The following IGBP1C variants were observed in gnomAD, a reference collection of about 807,000 sequenced individuals.
IGBP1C encodes the protein IGBP1 family member C.
the IGBP1C span, among the ~76,000 whole-genome samples, chr17:58,677,946 T>G: frequency 1.3e-5 from 2 of 152,118 alleles, no homozygotes; most frequent in Non-Finnish European, 2.9e-5. Context: ...GGTCAGGAGT[T>G]CAAGACCAGC....
At chr17:58,681,165 G>A in the IGBP1C span, among the ~76,000 whole-genome samples, 1 of 152,180 alleles carries the variant, frequency 6.6e-6, no homozygotes, top group Non-Finnish European at 1.5e-5. Context: ...GTACTCGGGA[G>A]GCTGAGACAG....
the IGBP1C span, among the ~76,000 whole-genome samples, chr17:58,670,546 G>T: frequency 2.0e-5 from 3 of 151,828 alleles, no homozygotes; most frequent in Admixed American, 6.6e-5. Flanking sequence ...GGCTGAAGTG[G>T]GTAGATCACT....
At chr17:58,662,413 T>TCA in the IGBP1C span, among the ~76,000 whole-genome samples, 268 of 127,738 alleles carry the variant, frequency 2.1e-3, 1 homozygote, top group Non-Finnish European at 3.1e-3. Context: ...AGCACACATA[T>TCA]CTCACACACA....
At chr17:58,669,768 C>T in the IGBP1C span, among the ~76,000 whole-genome samples, 1 of 148,266 alleles carries the variant, frequency 6.7e-6, no homozygotes, top group Non-Finnish European at 1.5e-5. Flanking sequence ...CCAGCAACAG[C>T]TTGAGACTTC....
At chr17:58,669,088 A>T in the IGBP1C span, among the ~76,000 whole-genome samples, 1 of 152,210 alleles carries the variant, frequency 6.6e-6, no homozygotes, top group Admixed American at 6.6e-5. Flanking sequence ...ACAGTGGCTC[A>T]TGCCTATAAT....
the IGBP1C span, among the ~76,000 whole-genome samples, chr17:58,669,733 C>CAAAAAA: frequency 2.3e-4 from 13 of 56,282 alleles, no homozygotes; most frequent in East Asian, 5.0e-4. Context: ...GACTCCGTCT[C>CAAAAAA]AAAAAAAAAA....
the IGBP1C span, among the ~76,000 whole-genome samples, chr17:58,669,882 C>G: frequency 6.6e-6 from 1 of 152,198 alleles, no homozygotes; most frequent in South Asian, 2.1e-4. Context: ...TTGCCCAAAG[C>G]CCTTCAATAC....
chr17:58,661,480 G>T, the IGBP1C span: 1,136 of 781,556 alleles, frequency 1.5e-3, 3 homozygotes, highest in African/African-American at 0.017. Flanking sequence ...CCTTTTCCTG[G>T]ACTATTCGGG....
the IGBP1C span, among the ~76,000 whole-genome samples, chr17:58,691,618 C>T: frequency 1.0e-4 from 14 of 140,576 alleles, no homozygotes; most frequent in Non-Finnish European, 2.1e-4. Context: ...AGTGAGCCGA[C>T]ATCGTGCCAC....
At chr17:58,684,413 G>GATC in the IGBP1C span, among the ~76,000 whole-genome samples, 1 of 150,872 alleles carries the variant, frequency 6.6e-6, no homozygotes, top group Non-Finnish European at 1.5e-5. Flanking sequence ...AGTGAGCTGA[G>GATC]ATCACACCAT....
At chr17:58,661,731 G>C in the IGBP1C span, 4 of 572,328 alleles carry the variant, frequency 7.0e-6, no homozygotes, top group East Asian at 5.8e-5. Flanking sequence ...GGTGGCGTTG[G>C]GGGCGGCATA....
the IGBP1C span, among the ~76,000 whole-genome samples, chr17:58,664,482 A>G: frequency 6.6e-6 from 1 of 152,238 alleles, no homozygotes; most frequent in African/African-American, 2.4e-5. Flanking sequence ...CATGTAGCAC[A>G]TACTTCTCAT....
the IGBP1C span, among the ~76,000 whole-genome samples, chr17:58,687,629 G>A: frequency 0.17 from 26,012 of 151,732 alleles, 2,358 homozygotes; most frequent in Non-Finnish European, 0.19. Context: ...CACTGCACCC[G>A]GCCGTGGTCA....
At chr17:58,664,710 AAT>A in the IGBP1C span, among the ~76,000 whole-genome samples, 2 of 152,216 alleles carry the variant, frequency 1.3e-5, no homozygotes, top group Non-Finnish European at 2.9e-5. Flanking sequence ...CCTCTGATAA[AAT>A]ATATACATTT....
chr17:58,663,470 ATT>A, the IGBP1C span, among the ~76,000 whole-genome samples: 1 of 145,118 alleles, frequency 6.9e-6, no homozygotes. Flanking sequence ...CTGAATCTAA[ATT>A]TTTTTTTTTT....
the IGBP1C span, chr17:58,679,564 T>G: frequency 6.6e-6 from 1 of 152,106 alleles, no homozygotes; most frequent in South Asian, 2.1e-4. Context: ...TACCACAAAT[T>G]ATGCAATTAA....
the IGBP1C span, among the ~76,000 whole-genome samples, chr17:58,671,370 T>TGA: frequency 6.6e-6 from 1 of 152,204 alleles, no homozygotes; most frequent in Non-Finnish European, 1.5e-5. Context: ...TGAGGGACTG[T>TGA]GAATGTGAGA....
the IGBP1C span, among the ~76,000 whole-genome samples, chr17:58,687,579 C>T: frequency 6.6e-6 from 1 of 151,992 alleles, no homozygotes; most frequent in African/African-American, 2.4e-5. Context: ...GTGATCCACC[C>T]ACCTAAGCCT....
At chr17:58,661,766 G>A in the IGBP1C span, 1 of 546,146 alleles carries the variant, frequency 1.8e-6, no homozygotes, top group Non-Finnish European at 3.2e-6. Flanking sequence ...AGTCGGTTGT[G>A]CCGGGTCTGA....
Sources: gnomAD v4.1 joint callset for allele counts (sites outside exome capture counted in the v4.1 genomes callset) on GRCh38, gnomAD v4.1.1 for gene constraint, MANE v1.5 for transcripts, NCBI Gene and HGNC (gene_info 2026-07-23, HGNC 2026-07-21) for gene names.